The following CA10 variants were observed in gnomAD, a reference collection of about 807,000 sequenced individuals.
The protein encoded by CA10 is carbonic anhydrase-related protein 10.
In CA10, 14 loss-of-function variants were observed where a neutral mutation model predicts 44.2. The ratio of observed to expected loss-of-function variants is 0.32; its 90% CI spans 0.21 to 0.50. CA10 has a LOEUF of 0.50. Among genes scored for constraint, CA10 ranks in the 20% least tolerant of loss-of-function variants. The pLI, the probability that CA10 is intolerant of heterozygous loss-of-function variation, is 0.99. For synonymous variants in CA10, 159 were observed against 141.6 expected, an observed-to-expected ratio of 1.12 and a Z score of -0.87; for missense variants, 350 against 409.7, an observed-to-expected ratio of 0.85 and a Z score of 1.26.
In CA10 at chr17:51,882,000, T is replaced by C. The variant is rs1381320292; in HGVS notation, c.279+48990A>G. Reference sequence around the variant, plus strand: ...TATATGATTTGTAATAGTAAAAAAGTGGAGGAATGCTAATGGTTCATCAAT... The same window carrying C: ...TATATGATTTGTAATAGTAAAAAAGCGGAGGAATGCTAATGGTTCATCAAT... On this transcript the variant is annotated intron_variant, in intron 3 of 8. Coordinates refer to ENST00000451037, the MANE Select transcript of CA10 (RefSeq NM_020178.5). 2.0e-5 allele frequency among the ~76,000 whole-genome samples: 3 copies of C among 149,554 alleles called. No individual in the cohort carries two copies. In the East Asian group the frequency reaches 5.9e-4, roughly 29 times the overall value.
chr17:51,721,345 C>A (rs757276127), intron 4 of CA10, among the ~76,000 whole-genome samples: 1 of 152,012 alleles, frequency 6.6e-6, no homozygotes, highest in African/African-American at 2.4e-5. Flanking sequence ...AATAAATAAA[C>A]TTTATTTTAT....
chr17:52,063,323 G>T (rs1567720645), intron 2 of CA10, among the ~76,000 whole-genome samples: 1 of 152,188 alleles, frequency 6.6e-6, no homozygotes, highest in Admixed American at 6.5e-5. Flanking sequence ...GTAGATGCTA[G>T]AACAAGTTAA....
chr17:51,869,407 A>G (rs1258919230), intron 3 of CA10, among the ~76,000 whole-genome samples: 1 of 152,178 alleles, frequency 6.6e-6, no homozygotes, highest in African/African-American at 2.4e-5. Flanking sequence ...GGCCTCTTCT[A>G]GACTCAGTTT....
chr17:52,102,996 A>T (rs1369890615), intron 1 of CA10, among the ~76,000 whole-genome samples: 1 of 151,842 alleles, frequency 6.6e-6, no homozygotes, highest in Non-Finnish European at 1.5e-5. Context: ...TTTTCCTGCT[A>T]TGTGCACGCA....
intron 1 of CA10, among the ~76,000 whole-genome samples, chr17:52,114,943 C>T (rs1279819404): frequency 6.6e-6 from 1 of 152,186 alleles, no homozygotes; most frequent in Non-Finnish European, 1.5e-5. Flanking sequence ...ATGCTATGCT[C>T]TGCCACTGAT....
intron 4 of CA10, among the ~76,000 whole-genome samples, chr17:51,680,921 C>A (rs140785033): frequency 2.0e-5 from 3 of 152,138 alleles, no homozygotes; most frequent in Admixed American, 1.3e-4. Flanking sequence ...CATTTCCCCC[C>A]CAACATTCCC....
intron 2 of CA10, among the ~76,000 whole-genome samples, chr17:51,989,122 T>C (rs1301938219): frequency 3.3e-5 from 5 of 151,424 alleles, no homozygotes; most frequent in Non-Finnish European, 7.4e-5. Context: ...TTAATCCTTA[T>C]CCTGGAGCTA....
chr17:51,683,413 T>A (rs79102356), intron 4 of CA10, among the ~76,000 whole-genome samples: 11,245 of 152,096 alleles, frequency 0.074, 1,434 homozygotes, highest in African/African-American at 0.26. Flanking sequence ...AAATGGTGAT[T>A]AAAAAAATCT....
rs1984164862 is a variant in CA10, at chr17:51,968,560, G to C, written c.137-37428C>G. Reference sequence around the variant, plus strand: ...ACACTATAGAGACAGACAGGTAGTGGCCAAAGGTTAGGAAATGGGGATTAA... The same window carrying C: ...ACACTATAGAGACAGACAGGTAGTGCCCAAAGGTTAGGAAATGGGGATTAA... On this transcript the variant is annotated intron_variant, in intron 2 of 8. Transcript: ENST00000451037. 4.6e-5 allele frequency among the ~76,000 whole-genome samples: 7 copies of C among 151,956 alleles called. No homozygotes were observed. The South Asian group carries it at 1.5e-3, about 32-fold the overall frequency.
chr17:52,040,892 C>T lies in CA10; in HGVS notation c.136+31427G>A, dbSNP rs150896044. Among the ~76,000 whole-genome samples the T allele has an allele frequency of 9.6e-3, 1,457 of 151,984 alleles. 12 individuals are homozygous for T. Among genetic ancestry groups the T allele is most frequent in the Non-Finnish European group, 0.015 (1,052 of 67,968 alleles). On this transcript the variant is annotated intron_variant, in intron 2 of 8. Coordinates refer to ENST00000451037, the MANE Select transcript of CA10 (RefSeq NM_020178.5). ...ATGCTGGAGAGAAGAATACCCAAAGCCAGGGGAGAAAACTGAAAAGAGGTA... is the reference window on the plus strand; with the variant it reads ...ATGCTGGAGAGAAGAATACCCAAAGTCAGGGGAGAAAACTGAAAAGAGGTA...
intron 4 of CA10, among the ~76,000 whole-genome samples, chr17:51,667,455 T>C (rs976407480): frequency 2.3e-4 from 35 of 152,090 alleles, no homozygotes; most frequent in Middle Eastern, 3.2e-3. Flanking sequence ...TTGTGGTATA[T>C]ATGTGTGTGT....
intron 6 of CA10, among the ~76,000 whole-genome samples, chr17:51,643,820 CT>C (rs1215730385): frequency 6.6e-6 from 1 of 152,184 alleles, no homozygotes; most frequent in African/African-American, 2.4e-5. Context: ...CATTTTACAC[CT>C]AGTTTATACC....
intron 2 of CA10, among the ~76,000 whole-genome samples, chr17:51,984,546 A>G (rs1421143446): frequency 6.6e-6 from 1 of 151,930 alleles, no homozygotes; most frequent in African/African-American, 2.4e-5. Flanking sequence ...ACAGACAAAA[A>G]ATACAAAAGA....
At chr17:52,058,710 T>C (rs1262041166) in intron 2 of CA10, among the ~76,000 whole-genome samples, 3 of 152,202 alleles carry the variant, frequency 2.0e-5, no homozygotes. Context: ...ATTCATCTTT[T>C]AAGCCCTATG....
chr17:51,843,589 A>G (rs1316312127), intron 3 of CA10, among the ~76,000 whole-genome samples: 1 of 152,204 alleles, frequency 6.6e-6, no homozygotes, highest in African/African-American at 2.4e-5. Context: ...ATGTGTGCTC[A>G]TCTTCAGTGA....
intron 2 of CA10, among the ~76,000 whole-genome samples, chr17:52,062,824 C>A (rs1987426291): frequency 6.6e-6 from 1 of 152,212 alleles, no homozygotes; most frequent in African/African-American, 2.4e-5. Context: ...GAAGGAGCTC[C>A]TACAGGGAGC....
intron 4 of CA10, among the ~76,000 whole-genome samples, chr17:51,675,542 C>T (rs1448456208): frequency 3.5e-5 from 4 of 112,868 alleles, no homozygotes; most frequent in Admixed American, 2.1e-4. Flanking sequence ...GAGTAAGACT[C>T]CATCTCAAAA....
chr17:51,993,745 T>C (rs1321049616), intron 2 of CA10, among the ~76,000 whole-genome samples: 1 of 152,086 alleles, frequency 6.6e-6, no homozygotes, highest in African/African-American at 2.4e-5. Context: ...TCATGTAATC[T>C]GGAGTTGAGG....
At position 51,675,663 on chromosome 17, in the gene CA10, C is replaced by T. The variant is rs138368611; in HGVS notation, c.466-21927G>A. On this transcript the variant is annotated intron_variant, in intron 4 of 8. Transcript: ENST00000451037. The stretch of plus-strand genomic sequence containing the variant: ...CCCTGGGGGCGGAGGTTGCAGTGAG[C>T]CTAGATTGCGCCACTGTACTCCAGC... 4.1e-3 allele frequency among the ~76,000 whole-genome samples: 629 copies of T among 151,962 alleles called. 2 individuals carry two copies. The highest frequency in any genetic ancestry group is 0.015 in the African/African-American group (607 of 41,484).
Sources: allele counts gnomAD v4.1 joint callset (sites outside exome capture counted in the v4.1 genomes callset), GRCh38; gene constraint gnomAD v4.1.1; transcripts MANE v1.5; gene names NCBI Gene and HGNC (gene_info 2026-07-23, HGNC 2026-07-21).